AUTS2: variants seen among roughly 807,000 people sequenced by gnomAD.
AUTS2 encodes activator of transcription and developmental regulator AUTS2.
In AUTS2, 17 loss-of-function variants were observed where a neutral mutation model predicts 112.4. The ratio of observed to expected loss-of-function variants is 0.15; its 90% confidence interval spans 0.10 to 0.23. AUTS2 has a LOEUF of 0.23. AUTS2 is among the 10% of genes least tolerant of loss of function. The pLI is 1.00. For synonymous variants in AUTS2, 751 were observed against 702.7 expected (o/e 1.07, Z -1.09); for missense variants, 1,510 against 1,701.6 (o/e 0.89, Z 1.98).
intron 6 of AUTS2, among the ~76,000 whole-genome samples, chr7:70,761,422 G>A (rs2129556735): frequency 6.6e-6 from 1 of 152,358 alleles, no homozygotes; most frequent in Admixed American, 6.5e-5. Flanking sequence ...AACGCCCAGG[G>A]CAGTTCATTT....
At chr7:70,240,142 C>T (rs977697726) in intron 4 of AUTS2, among the ~76,000 whole-genome samples, 4 of 152,134 alleles carry the variant, frequency 2.6e-5, no homozygotes, top group African/African-American at 7.2e-5. Flanking sequence ...CTCCCAGCCC[C>T]GGTAGCCAAG....
intron 5 of AUTS2, among the ~76,000 whole-genome samples, chr7:70,471,057 T>TA (rs1406182156): frequency 2.0e-5 from 3 of 152,176 alleles, no homozygotes; most frequent in Non-Finnish European, 4.4e-5. Context: ...CTGGGACAGT[T>TA]AGAGTTATGC....
chr7:70,731,263 CATTTT>C (rs1444381276), intron 6 of AUTS2, among the ~76,000 whole-genome samples: 7 of 150,916 alleles, frequency 4.6e-5, no homozygotes, highest in Non-Finnish European at 1.0e-4. Flanking sequence ...ACTGATCACT[CATTTT>C]ATTTCACCTT....
intron 5 of AUTS2, among the ~76,000 whole-genome samples, chr7:70,525,940 G>A (rs1004492718): frequency 3.3e-5 from 5 of 152,224 alleles, no homozygotes; most frequent in African/African-American, 4.8e-5. Context: ...ATCTTCTGGC[G>A]GGAGAGGGTT....
intron 4 of AUTS2, among the ~76,000 whole-genome samples, chr7:70,248,018 A>C (rs1044720583): frequency 6.6e-6 from 1 of 152,220 alleles, no homozygotes; most frequent in Non-Finnish European, 1.5e-5. Context: ...GATAAACTAC[A>C]GTAATTGATT....
Position 70,655,666 on chromosome 7 carries a change from C to T in AUTS2, c.691-42903C>T, listed in dbSNP as rs1806734655. ...CTTGCTTGAACAGCATCACCTGCCT[C>T]TGGCATAGGGGAAAGAGATTGCCGT... On this transcript the variant is annotated intron_variant, in intron 5 of 18. Coordinates refer to ENST00000342771, the MANE Select transcript of AUTS2 (RefSeq NM_015570.4). Among the ~76,000 whole-genome samples the T allele has an allele frequency of 2.0e-5, 3 of 152,198 alleles. No homozygotes were observed. In the South Asian group the frequency reaches 6.2e-4, roughly 31 times the overall value.
At chr7:70,002,804 G>A (rs970297224) in intron 2 of AUTS2, among the ~76,000 whole-genome samples, 2 of 151,996 alleles carry the variant, frequency 1.3e-5, no homozygotes, top group Admixed American at 6.6e-5. Context: ...TTTGCCCAGA[G>A]TCACAGATAC....
intron 5 of AUTS2, among the ~76,000 whole-genome samples, chr7:70,512,280 C>CT (rs1467290033): frequency 2.0e-5 from 3 of 152,094 alleles, no homozygotes; most frequent in African/African-American, 7.2e-5. Context: ...CTTTGCGGGG[C>CT]TTTTTTTGGA....
At chr7:69,940,617 G>C (rs1184587803) in intron 2 of AUTS2, among the ~76,000 whole-genome samples, 1 of 152,190 alleles carries the variant, frequency 6.6e-6, no homozygotes, top group East Asian at 1.9e-4. Flanking sequence ...GACAAACGGA[G>C]CATTCAAGGG....
At chr7:69,774,082 C>T (rs867821739) in intron 1 of AUTS2, among the ~76,000 whole-genome samples, 1 of 152,214 alleles carries the variant, frequency 6.6e-6, no homozygotes, top group African/African-American at 2.4e-5. Flanking sequence ...ACCCACCACC[C>T]CATGCTACAT....
chr7:70,073,306 T>G (rs1195746467), intron 2 of AUTS2, among the ~76,000 whole-genome samples: 2 of 151,132 alleles, frequency 1.3e-5, no homozygotes, highest in Non-Finnish European at 2.9e-5. Flanking sequence ...AGGTCAGGAG[T>G]TCGAGACCAG....
Position 70,083,631 on chromosome 7 carries a change from A to G in AUTS2, c.523-34501A>G, listed in dbSNP as rs184810478. On this transcript the variant is annotated intron_variant, in intron 2 of 18. Coordinates refer to ENST00000342771, the MANE Select transcript of AUTS2 (RefSeq NM_015570.4). The stretch of plus-strand genomic sequence containing the variant: ...ACTTGATAAGTTTTGACATGCATAC[A>G]CCTATAGAACCAACACAATCAAGGT... 1.1e-3 allele frequency among the ~76,000 whole-genome samples: 164 copies of G among 152,276 alleles called. 1 individual carries two copies. Among genetic ancestry groups the G allele is most frequent in the Non-Finnish European group, 2.1e-3 (143 of 68,014 alleles).
intron 5 of AUTS2, among the ~76,000 whole-genome samples, chr7:70,471,233 T>C (rs1018596238): frequency 2.0e-5 from 3 of 152,072 alleles, no homozygotes; most frequent in African/African-American, 4.8e-5. Context: ...CAACAAAACA[T>C]GGCCATTCTT....
rs1041132810 is a variant in AUTS2, at chr7:70,793,230, T to A, written c.*2234T>A. On this transcript the variant is annotated 3_prime_UTR_variant, in exon 19 of 19. Transcript: ENST00000342771. ...TGGCTACTTCAAAACTCAGCGAAAG[T>A]GTTTGCTTTTCCAGCAGTGATGAGA... 1.3e-5 allele frequency: 2 copies of A among 152,100 alleles called. No homozygotes were observed. Among genetic ancestry groups the A allele is most frequent in the Non-Finnish European group, 2.9e-5 (2 of 68,012 alleles). The allele number at this position is 152,100 out of a possible 1,614,324, so 9.4% of individuals were successfully genotyped here.
At chr7:70,214,504 A>G (rs1001162127) in intron 4 of AUTS2, among the ~76,000 whole-genome samples, 1 of 152,238 alleles carries the variant, frequency 6.6e-6, no homozygotes, top group Non-Finnish European at 1.5e-5. Context: ...TCAGTCACAC[A>G]CATACAGATG....
chr7:70,515,735 C>T (rs1402981559), intron 5 of AUTS2, among the ~76,000 whole-genome samples: 2 of 151,928 alleles, frequency 1.3e-5, no homozygotes, highest in Non-Finnish European at 2.9e-5. Context: ...AATTTTATTT[C>T]CCATTTTTAA....
At chr7:70,479,024 C>G (rs569631673) in intron 5 of AUTS2, among the ~76,000 whole-genome samples, 6 of 151,416 alleles carry the variant, frequency 4.0e-5, no homozygotes, top group Non-Finnish European at 7.4e-5. Flanking sequence ...AATTTAATTA[C>G]CCAGTCTACT....
intron 4 of AUTS2, among the ~76,000 whole-genome samples, chr7:70,410,288 C>T (rs1165212693): frequency 1.3e-5 from 2 of 152,108 alleles, no homozygotes; most frequent in African/African-American, 4.8e-5. Flanking sequence ...ACCTCTTCCC[C>T]ATGTAGAATG....
At chr7:70,431,307 G>A (rs1219756361) in intron 4 of AUTS2, among the ~76,000 whole-genome samples, 2 of 152,226 alleles carry the variant, frequency 1.3e-5, no homozygotes, top group Non-Finnish European at 2.9e-5. Flanking sequence ...AGACTGGAAA[G>A]ACTTACAAAA....
Sources: gnomAD v4.1 joint callset for allele counts (sites outside exome capture counted in the v4.1 genomes callset) on GRCh38, gnomAD v4.1.1 for gene constraint, MANE v1.5 for transcripts, NCBI Gene and HGNC (gene_info 2026-07-23, HGNC 2026-07-21) for gene names.